Variants in CPS1 observed in about 807,000 individuals in gnomAD.
CPS1 encodes the protein carbamoyl-phosphate synthase [ammonia], mitochondrial.
In CPS1, 109 loss-of-function variants were observed where a neutral mutation model predicts 174.6. The observed-to-expected ratio is 0.62, with a 90% CI of 0.53 to 0.73. The LOEUF (loss-of-function observed/expected upper bound fraction) is 0.73, where lower values mean the gene tolerates loss of function less well. CPS1 is among the 30% of genes least tolerant of loss of function. The pLI is 0.00. For missense variants in CPS1, 1,689 were observed against 1,821.9 expected (o/e 0.93, Z 1.33); for synonymous variants, 637 against 632.0 (o/e 1.01, Z -0.12).
chr2:210,488,162 C>CT (rs34246636), intron 1 of CPS1, among the ~76,000 whole-genome samples: 32 of 149,420 alleles, frequency 2.1e-4, no homozygotes, highest in Middle Eastern at 3.4e-3. Context: ...TTGCATTATC[C>CT]TTTTTTTTTT....
chr2:210,577,190 T>A (rs569994329), intron 3 of CPS1: 5 of 562,298 alleles, frequency 8.9e-6, no homozygotes, highest in African/African-American at 7.5e-5. Context: ...CCTAGTTTAG[T>A]CTCAGGATTT....
chr2:210,583,693 G>A (rs1205638001), intron 6 of CPS1, among the ~76,000 whole-genome samples: 1 of 152,132 alleles, frequency 6.6e-6, no homozygotes, highest in Admixed American at 6.6e-5. Context: ...ACACCTATTG[G>A]TTTACACACT....
upstream of CPS1, among the ~76,000 whole-genome samples, chr2:210,555,395 G>A (rs1291702429): frequency 6.6e-6 from 1 of 151,728 alleles, no homozygotes; most frequent in Non-Finnish European, 1.5e-5. Flanking sequence ...AACTTTCATG[G>A]CACCAGTTAT....
At chr2:210,546,779 C>G (rs1696575560) in intron 1 of CPS1, among the ~76,000 whole-genome samples, 1 of 152,072 alleles carries the variant, frequency 6.6e-6, no homozygotes, top group Admixed American at 6.6e-5. Flanking sequence ...GTGTGTTAAG[C>G]CACAGTAAGG....
rs1236233986 is a variant in CPS1 at position 210,605,088 on chromosome 2, T to C, written c.1837-14T>C. 3.7e-6 allele frequency: 6 copies of C among 1,611,444 alleles called. No individual in the cohort carries two copies. The highest frequency in any genetic ancestry group is 2.2e-5 in the East Asian group (1 of 44,728). On this transcript the variant is annotated splice_polypyrimidine_tract_variant and intron_variant, in intron 16 of 37. Transcript: ENST00000233072. Reference sequence around the variant, plus strand: ...TTTTCTTACTCTTTGATATCTTTTGTCACCAATTTCTAGGCCTTTGCTATG... The same window carrying C: ...TTTTCTTACTCTTTGATATCTTTTGCCACCAATTTCTAGGCCTTTGCTATG...
chr2:210,654,247 T>C, intron 29 of CPS1, 145 bp downstream of exon 29: 2 of 717,490 alleles, frequency 2.8e-6, no homozygotes, highest in Admixed American at 4.6e-5. Context: ...AAAAATCAAA[T>C]TCTCTGACAA....
At chr2:210,604,717 A>G (rs956142309) in intron 16 of CPS1, among the ~76,000 whole-genome samples, 1 of 151,888 alleles carries the variant, frequency 6.6e-6, no homozygotes, top group African/African-American at 2.4e-5. Flanking sequence ...AGAGAGCCAG[A>G]GTCTTTAGAC....
intron 1 of CPS1, among the ~76,000 whole-genome samples, chr2:210,495,680 C>T (rs1372704787): frequency 6.6e-6 from 1 of 152,134 alleles, no homozygotes; most frequent in Non-Finnish European, 1.5e-5. Context: ...CATATTTAAT[C>T]TACTCTGGAG....
intron 1 of CPS1, among the ~76,000 whole-genome samples, chr2:210,537,465 A>G (rs546690838): frequency 1.1e-4 from 17 of 152,310 alleles, no homozygotes; most frequent in African/African-American, 3.8e-4. Context: ...TCTGCCACAC[A>G]TAAGTAGCAT....
intron 1 of CPS1, among the ~76,000 whole-genome samples, chr2:210,536,492 T>C (rs1696257322): frequency 1.3e-5 from 2 of 152,020 alleles, no homozygotes; most frequent in South Asian, 4.2e-4. Context: ...GGCTAATTTA[T>C]TTTTGTATTT....
At chr2:210,592,398 G>C (rs1030736871) in intron 10 of CPS1, among the ~76,000 whole-genome samples, 1 of 151,886 alleles carries the variant, frequency 6.6e-6, no homozygotes, top group Non-Finnish European at 1.5e-5. Context: ...CACTATTTGA[G>C]TTATTAATCA....
rs941411636 is a variant in CPS1 at position 210,639,083 on chromosome 2, A to C, written c.2830-67A>C. Reference sequence around the variant, plus strand: ...AAAGGAATATGTATATAAAGCACAAAAAATTTAGTCTTGAAAAAATTATAA... The same window carrying C: ...AAAGGAATATGTATATAAAGCACAACAAATTTAGTCTTGAAAAAATTATAA... On this transcript the variant is annotated intron_variant, in intron 22 of 37. Coordinates refer to ENST00000233072, the MANE Select transcript of CPS1 (RefSeq NM_001875.5). The C allele has an allele frequency of 2.3e-6, 3 of 1,332,542 alleles. No individual in the cohort carries two copies. The African/African-American group carries it at 4.4e-5, about 20-fold the overall frequency. 82.5% of individuals were successfully genotyped at this position (1,332,542 alleles called of 1,614,324 possible).
intron 1 of CPS1, among the ~76,000 whole-genome samples, chr2:210,562,558 A>G (rs969152897): frequency 6.6e-6 from 1 of 152,204 alleles, no homozygotes; most frequent in South Asian, 2.1e-4. Flanking sequence ...TATTATCTAC[A>G]CAATAATTAC....
rs527570730 is a variant in CPS1, at chr2:210,676,272, G to T, written c.4274+432G>T. ...AGTACTATGATGATGTCATCCATTGGATTACCTAATTGGTCATTCCTTGAC... is the reference window on the plus strand; with the variant it reads ...AGTACTATGATGATGTCATCCATTGTATTACCTAATTGGTCATTCCTTGAC... On this transcript the variant is annotated intron_variant, in intron 36 of 37. Transcript: ENST00000233072. Among the ~76,000 whole-genome samples the T allele has an allele frequency of 1.2e-4, 18 of 152,276 alleles. No individual in the cohort carries two copies. The South Asian group carries it at 3.5e-3, about 30-fold the overall frequency.
chr2:210,483,198 C>T (rs746167473), intron 1 of CPS1, among the ~76,000 whole-genome samples: 31 of 145,076 alleles, frequency 2.1e-4, no homozygotes, highest in South Asian at 6.6e-4. Flanking sequence ...GGCATGCTGT[C>T]GCTCTGTGTG....
chr2:210,655,593 T>C (rs1700678211), intron 29 of CPS1, among the ~76,000 whole-genome samples: 1 of 152,188 alleles, frequency 6.6e-6, no homozygotes, highest in African/African-American at 2.4e-5. Flanking sequence ...ATAAATAAGC[T>C]CTTGTAAAAA....
intron 13 of CPS1, among the ~76,000 whole-genome samples, chr2:210,599,155 C>CA (rs1382984604): frequency 6.6e-6 from 1 of 151,860 alleles, no homozygotes; most frequent in African/African-American, 2.4e-5. Flanking sequence ...CTTCATGAGA[C>CA]AGCCAATTCT....
At chr2:210,617,968 A>C (rs1458724696) in intron 21 of CPS1, 3 of 152,026 alleles carry the variant, frequency 2.0e-5, no homozygotes, top group African/African-American at 7.2e-5. Flanking sequence ...ACAGCAGTGG[A>C]AAAGACCTGG....
intron 28 of CPS1, among the ~76,000 whole-genome samples, chr2:210,651,823 G>A (rs1172615244): frequency 6.6e-6 from 1 of 152,094 alleles, no homozygotes; most frequent in Non-Finnish European, 1.5e-5. Flanking sequence ...ATCTATGTAT[G>A]TATTCATTTA....
Sources: allele counts gnomAD v4.1 joint callset (sites outside exome capture counted in the v4.1 genomes callset), GRCh38; gene constraint gnomAD v4.1.1; transcripts MANE v1.5; gene names NCBI Gene and HGNC (gene_info 2026-07-23, HGNC 2026-07-21).